SCD: variants seen among roughly 807,000 people sequenced by gnomAD.
The protein encoded by SCD is acyl-CoA desaturase.
Under a neutral mutation model 35.7 loss-of-function variants are expected in SCD, and 4 were observed. That is an observed-to-expected ratio of 0.11 (90% CI 0.06 to 0.26). The LOEUF (loss-of-function observed/expected upper bound fraction) is 0.26. Ranked by LOEUF, SCD falls within the 10% of genes least tolerant of loss-of-function variation. SCD has a pLI of 1.00. For synonymous variants in SCD, 150 were observed against 170.2 expected, an observed-to-expected ratio of 0.88 and a Z score of 0.92; for missense variants, 282 against 460.7, an observed-to-expected ratio of 0.61 and a Z score of 3.55.
intron 2 of SCD, 62 bp downstream of exon 2, chr10:100,348,408 G>A: frequency 6.6e-7 from 1 of 1,523,322 alleles, no homozygotes; most frequent in South Asian, 1.2e-5. Flanking sequence ...TTTTAATAAG[G>A]TAGGATCTTA....
At position 100,348,258 on chromosome 10, in the gene SCD, A is replaced by C; in HGVS notation, c.222A>C (p.Arg74Ser). ...GCCCCAAGGTTGAATATGTCTGGAG[A>C]AACATCATCCTTATGTCTCTGCTAC... ...GPSPKVEYVW[R>S]NIILMSLLHL... Residue 74 changes from arginine to serine, a missense_variant, in exon 2 of 6, where the codon AGA (arginine) becomes AGC (serine). Around this residue, in one of 2 missense-constraint regions of SCD, gnomAD observed 205 missense variants for 372.3 expected, o/e 0.55. Coordinates refer to ENST00000370355, the MANE Select transcript of SCD (RefSeq NM_005063.5). The C allele has an allele frequency of 1.2e-6, 2 of 1,614,106 alleles. No homozygotes were observed. The highest frequency in any genetic ancestry group is 1.7e-6 in the Non-Finnish European group (2 of 1,180,016).
rs1367229354 is a variant in SCD, at chr10:100,350,959, T to C, written c.311-1407T>C. ...TCTCCTGGAGATCTTATAGGAGGAATAGAAGAGAAGAAAGGAGGTAGGGTT... is the reference window on the plus strand; with the variant it reads ...TCTCCTGGAGATCTTATAGGAGGAACAGAAGAGAAGAAAGGAGGTAGGGTT... On this transcript the variant is annotated intron_variant, in intron 2 of 5. Transcript: ENST00000370355. Among the ~76,000 whole-genome samples, 3 of 151,982 alleles carry C rather than the reference T, an allele frequency of 2.0e-5. No individual in the cohort carries two copies. In the East Asian group the frequency reaches 5.8e-4, roughly 29 times the overall value.
At position 100,354,610 on chromosome 10, in the gene SCD, A is replaced by G; in HGVS notation, c.625A>G (p.Lys209Glu). The G allele has an allele frequency of 6.2e-7, 1 of 1,614,188 alleles. No homozygotes were observed. The highest frequency in any genetic ancestry group is 8.5e-7 in the Non-Finnish European group (1 of 1,180,006). The change falls in exon 4 of 6, where the codon AAA (lysine) becomes GAA (glutamate). Residue 209 changes from lysine (K) to glutamate (E), a missense_variant. Around this residue, in one of 2 missense-constraint regions of SCD, gnomAD observed 205 missense variants for 372.3 expected, o/e 0.55. Coordinates refer to ENST00000370355, the MANE Select transcript of SCD (RefSeq NM_005063.5). ...AGACTTGTCTGACCTAGAAGCTGAG[A>G]AACTGGTGATGTTCCAGAGGAGGTG... is the stretch of plus-strand genomic sequence containing the variant. ...TLDLSDLEAE[K>E]LVMFQRRYYK... is the part of the protein sequence containing the mutation.
In SCD at chr10:100,352,624, A is replaced by G; in HGVS notation, c.441+128A>G. 1 of 862,628 alleles carries G rather than the reference A, an allele frequency of 1.2e-6. No homozygotes were observed. The highest frequency in any genetic ancestry group is 1.8e-6 in the Non-Finnish European group (1 of 545,872). The allele number at this position is 862,628 out of a possible 1,614,324, so 53.4% of individuals were successfully genotyped here. A position where few individuals can be genotyped will look rare whatever the true frequency, so the allele number is the denominator to read the frequency against. On this transcript the variant is annotated intron_variant, in intron 3 of 5. Coordinates refer to ENST00000370355, the MANE Select transcript of SCD (RefSeq NM_005063.5). The surrounding 1 kb of genome is among the most constrained non-coding windows in gnomAD (Gnocchi z 4.2). ...TTTCACTTTCCTCTCTCCTGTAGTC[A>G]CCTCAAGTTCCAGTTCAGTCCTTAA... is the stretch of plus-strand genomic sequence containing the variant.
Position 100,361,165 on chromosome 10 carries a change from C to G in SCD, c.*232C>G. ...CTCTCTCTCTTCTAGGCCCATTGTC[C>G]TCCTTTTCACTTTATTGCTATCGCC... On this transcript the variant is annotated 3_prime_UTR_variant, in exon 6 of 6. Transcript: ENST00000370355. 1 of 527,030 alleles carries G rather than the reference C, an allele frequency of 1.9e-6. No homozygotes were observed. Among genetic ancestry groups the G allele is most frequent in the Non-Finnish European group, 3.4e-6 (1 of 296,660 alleles). The allele number at this position is 527,030 out of a possible 1,614,324, so 32.6% of individuals were successfully genotyped here.
chr10:100,361,466 G>A lies in SCD; in HGVS notation c.*533G>A, dbSNP rs1849988954. The A allele has an allele frequency of 6.4e-6, 1 of 156,710 alleles. No individual in the cohort carries two copies. The highest frequency in any genetic ancestry group is 1.9e-4 in the South Asian group (1 of 5,320). The allele number at this position is 156,710 out of a possible 1,614,324, so 9.7% of individuals were successfully genotyped here. On this transcript the variant is annotated 3_prime_UTR_variant, in exon 6 of 6. Coordinates refer to ENST00000370355, the MANE Select transcript of SCD (RefSeq NM_005063.5). ...ATTTGACACAAAGCTTCTAAAGCAG[G>A]TAAATTGTCGGGGGAGAGAGTTAGC...
chr10:100,353,196 G>A (rs1849889700), intron 3 of SCD, among the ~76,000 whole-genome samples: 1 of 152,170 alleles, frequency 6.6e-6, no homozygotes, highest in Non-Finnish European at 1.5e-5. Context: ...TACAGATGAG[G>A]AAACCAAGTT....
chr10:100,362,355 C>G lies in SCD; in HGVS notation c.*1422C>G, dbSNP rs1476569698. The G allele has an allele frequency of 6.6e-6, 1 of 152,180 alleles. No individual in the cohort carries two copies. Among genetic ancestry groups the G allele is most frequent in the African/African-American group, 2.4e-5 (1 of 41,422 alleles). The allele number at this position is 152,180 out of a possible 1,614,324, so 9.4% of individuals were successfully genotyped here. On this transcript the variant is annotated 3_prime_UTR_variant, in exon 6 of 6. Coordinates refer to ENST00000370355, the MANE Select transcript of SCD (RefSeq NM_005063.5). Reference sequence around the variant, plus strand: ...TGAGTAAAAACTAGAAGGCTTCTCTCCACAGTGTTGTGCCCCTTCACTCAT... The same window carrying G: ...TGAGTAAAAACTAGAAGGCTTCTCTGCACAGTGTTGTGCCCCTTCACTCAT...
Position 100,347,541 on chromosome 10 carries a change from C to T in SCD, c.27+10C>T. On this transcript the variant is annotated intron_variant, in intron 1 of 5. Transcript: ENST00000370355. ...CTTGCTGCAGGACGATGTGAGTTTC[C>T]CAGCCTGGCCCCGTACCGCCGGGTC... 5 of 1,613,878 alleles carry T rather than the reference C, an allele frequency of 3.1e-6. No individual in the cohort carries two copies. Among genetic ancestry groups the T allele is most frequent in the Non-Finnish European group, 4.2e-6 (5 of 1,179,948 alleles).
chr10:100,352,358 C>A lies in SCD; in HGVS notation c.311-8C>A. 6.2e-7 allele frequency: 1 copy of A among 1,612,932 alleles called. No homozygotes were observed. The highest frequency in any genetic ancestry group is 2.2e-5 in the East Asian group (1 of 44,860). On this transcript the variant is annotated splice_region_variant and splice_polypyrimidine_tract_variant and intron_variant, in intron 2 of 5. Coordinates refer to ENST00000370355, the MANE Select transcript of SCD (RefSeq NM_005063.5). The surrounding 1 kb of genome is among the most constrained non-coding windows in gnomAD (Gnocchi z 4.2). ...ATTGGTGACTCCCCCACTGTCTTCT[C>A]CTGGCAGGGGTATTCTACTATTTTG...
chr10:100,350,411 T>C (rs1190016614), intron 2 of SCD, among the ~76,000 whole-genome samples: 1 of 152,164 alleles, frequency 6.6e-6, no homozygotes, highest in African/African-American at 2.4e-5. Context: ...TTGAGAGCCT[T>C]AAATCTCTTT....
intron 2 of SCD, among the ~76,000 whole-genome samples, chr10:100,349,221 C>G (rs1004468840): frequency 1.3e-5 from 2 of 152,254 alleles, no homozygotes; most frequent in Non-Finnish European, 2.9e-5. Context: ...TGTCCCCGAC[C>G]TGCCCTTAGC....
chr10:100,355,894 G>C (rs1354747651), intron 4 of SCD, among the ~76,000 whole-genome samples: 2 of 152,162 alleles, frequency 1.3e-5, no homozygotes, highest in South Asian at 4.1e-4. Context: ...GAAGACCAAA[G>C]AATTAGGGAG....
chr10:100,351,304 A>G (rs1483590683), intron 2 of SCD, among the ~76,000 whole-genome samples: 1 of 151,670 alleles, frequency 6.6e-6, no homozygotes, highest in African/African-American at 2.4e-5. Context: ...GGGGTGCTTC[A>G]CTGACAGCTT....
Position 100,361,175 on chromosome 10 carries a change from C to G in SCD, c.*242C>G. On this transcript the variant is annotated 3_prime_UTR_variant, in exon 6 of 6. Transcript: ENST00000370355. ...TCTAGGCCCATTGTCCTCCTTTTCA[C>G]TTTATTGCTATCGCCCTCCTTTCCC... 1 of 509,698 alleles carries G rather than the reference C, an allele frequency of 2.0e-6. No individual in the cohort carries two copies. The highest frequency in any genetic ancestry group is 3.5e-6 in the Non-Finnish European group (1 of 286,360). The allele number at this position is 509,698 out of a possible 1,614,324, so 31.6% of individuals were successfully genotyped here.
chr10:100,362,299 T>C lies in SCD; in HGVS notation c.*1366T>C, dbSNP rs576831972. On this transcript the variant is annotated 3_prime_UTR_variant, in exon 6 of 6. Transcript: ENST00000370355. ...TAAAATAAACTAGATATTAGGTCCA[T>C]TCATTAATTAGTTCCAGTTTCTCCT... is the stretch of plus-strand genomic sequence containing the variant. The C allele has an allele frequency of 6.6e-6, 1 of 152,300 alleles. No homozygotes were observed. Among genetic ancestry groups the C allele is most frequent in the East Asian group, 1.9e-4 (1 of 5,182 alleles). 9.4% of individuals were successfully genotyped at this position (152,300 alleles called of 1,614,324 possible). A position where few individuals can be genotyped will look rare whatever the true frequency, so the allele number is the denominator to read the frequency against.
chr10:100,358,464 C>T (rs555729135), intron 5 of SCD, among the ~76,000 whole-genome samples: 1,829 of 151,512 alleles, frequency 0.012, 32 homozygotes, highest in African/African-American at 0.042. Flanking sequence ...CAGTGGCGGG[C>T]GCCTGTAGTC....
intron 1 of SCD, 151 bp downstream of exon 1, chr10:100,347,682 G>A (rs1401069940): frequency 2.3e-6 from 2 of 858,116 alleles, no homozygotes; most frequent in Non-Finnish European, 3.6e-6. Flanking sequence ...TTGGGAATGT[G>A]GATTGTAATT....
At position 100,361,353 on chromosome 10, in the gene SCD, G is replaced by C. The variant is rs535879757; in HGVS notation, c.*420G>C. ...GTGAGCTTTGAAGTAGGTGGCTTGA[G>C]CTAGAGATAAAACAGAATCTTCTGG... On this transcript the variant is annotated 3_prime_UTR_variant, in exon 6 of 6. Coordinates refer to ENST00000370355, the MANE Select transcript of SCD (RefSeq NM_005063.5). The C allele has an allele frequency of 5.6e-6, 1 of 177,064 alleles. No homozygotes were observed. The highest frequency in any genetic ancestry group is 1.2e-4 in the South Asian group (1 of 8,254). The allele number at this position is 177,064 out of a possible 1,614,324, so 11.0% of individuals were successfully genotyped here. A position where few individuals can be genotyped will look rare whatever the true frequency, so the allele number is the denominator to read the frequency against.
Sources: gnomAD v4.1 joint callset for allele counts (sites outside exome capture counted in the v4.1 genomes callset) on GRCh38, gnomAD v4.1.1 for gene constraint, gnomAD v4.1.1 regional missense constraint, Gnocchi (gnomAD v3.1) non-coding constraint, MANE v1.5 for transcripts, NCBI Gene and HGNC (gene_info 2026-07-23, HGNC 2026-07-21) for gene names.